Variants in RAB12 observed in about 807,000 individuals in gnomAD.
RAB12 encodes the protein ras-related protein Rab-12.
A neutral mutation model predicts 28.4 loss-of-function variants in RAB12; 11 were observed. The ratio of observed to expected loss-of-function variants is 0.39; its 90% CI spans 0.24 to 0.64. RAB12 has a LOEUF of 0.64. Among genes scored for constraint, RAB12 ranks in the 30% least tolerant of loss-of-function variants. The pLI is 0.50. For synonymous variants in RAB12, 138 were observed against 145.3 expected, an observed-to-expected ratio of 0.95 and a Z score of 0.36; for missense variants, 276 against 351.1, an observed-to-expected ratio of 0.79 and a Z score of 1.71.
intron 2 of RAB12, among the ~76,000 whole-genome samples, chr18:8,630,478 T>TTC (rs2148710593): frequency 6.6e-6 from 1 of 152,302 alleles, no homozygotes; most frequent in East Asian, 1.9e-4. Context: ...TTACCAGACT[T>TTC]AAAGTGTGTG....
intron 1 of RAB12, among the ~76,000 whole-genome samples, chr18:8,621,227 G>T (rs1235846181): frequency 6.6e-6 from 1 of 152,140 alleles, no homozygotes; most frequent in African/African-American, 2.4e-5. Flanking sequence ...GGTTATTCAT[G>T]ACTTTTTTCC....
intron 4 of RAB12, 102 bp downstream of exon 4, chr18:8,635,724 T>C: frequency 2.8e-6 from 2 of 716,032 alleles, no homozygotes; most frequent in Non-Finnish European, 4.4e-6. Flanking sequence ...AAAGAAATTA[T>C]CAATACAGTG....
intron 1 of RAB12, among the ~76,000 whole-genome samples, chr18:8,620,136 C>CTTT (rs1203136706): frequency 4.9e-5 from 1 of 20,230 alleles, no homozygotes; most frequent in Non-Finnish European, 1.1e-4. Flanking sequence ...TTTTTTTCTT[C>CTTT]TTCTTTTTTT....
chr18:8,630,749 G>C (rs1455784533), intron 2 of RAB12, among the ~76,000 whole-genome samples: 2 of 152,236 alleles, frequency 1.3e-5, no homozygotes, highest in African/African-American at 4.8e-5. Context: ...AACGCTTTTA[G>C]ATTTCAAAGG....
chr18:8,616,503 G>T (rs1203040129), intron 1 of RAB12, among the ~76,000 whole-genome samples: 1 of 152,000 alleles, frequency 6.6e-6, no homozygotes, highest in Middle Eastern at 3.4e-3. Context: ...GGTTTCTGGT[G>T]CCTAGTTAAC....
At chr18:8,612,058 T>C (rs2096004133) in intron 1 of RAB12, among the ~76,000 whole-genome samples, 1 of 152,204 alleles carries the variant, frequency 6.6e-6, no homozygotes, top group Non-Finnish European at 1.5e-5. Flanking sequence ...TCAGATCGTT[T>C]GTTGAGCACC....
Position 8,609,630 on chromosome 18 carries a change from C to G in RAB12, c.191C>G (p.Pro64Arg), listed in dbSNP as rs1485260571. The stretch of plus-strand genomic sequence containing the variant: ...GAAGCCGAGCCCGGGGCCGACCCCC[C>G]GCGCGCGGCGGAGGCCGAGGGGGCG... The part of the protein sequence containing the change: ...RAEAEPGADP[P>R]RAAEAEGAPG... Residue 64 changes from proline (P) to arginine (R), a missense_variant, in exon 1 of 6, where the codon CCG becomes CGG. By Grantham distance (103) the Pro-to-Arg change is moderately radical (BLOSUM62 -2). Transcript: ENST00000649141. 1 of 538,950 alleles carries G rather than the reference C, an allele frequency of 1.9e-6. No homozygotes were observed. Among genetic ancestry groups the G allele is most frequent in the Non-Finnish European group, 2.4e-6 (1 of 424,738 alleles). 33.4% of individuals were successfully genotyped at this position (538,950 alleles called of 1,614,324 possible).
chr18:8,637,045 C>T, intron 5 of RAB12, among the ~76,000 whole-genome samples: 1 of 152,060 alleles, frequency 6.6e-6, no homozygotes, highest in Non-Finnish European at 1.5e-5. Context: ...GGGAGGATCA[C>T]TTGAGGCCAG....
Position 8,609,794 on chromosome 18 carries a change from G to A in RAB12, c.355G>A (p.Ala119Thr). ...GGGGLGAGSP[A>T]LSGGQGRRRK... ...CGGCGGTCTGGGCGCGGGCTCCCCG[G>A]CGCTGTCGGGCGGCCAGGGCCGCCG... The change falls in exon 1 of 6, where the codon GCG becomes ACG. Residue 119 changes from alanine (A) to threonine (T), a missense_variant. This residue lies in a region of RAB12 where 76 missense variants were observed against 117.9 expected (regional missense o/e 0.64). Coordinates refer to ENST00000649141, the MANE Select transcript of RAB12 (RefSeq NM_001025300.3). 5 of 1,404,428 alleles carry A rather than the reference G, an allele frequency of 3.6e-6. No individual in the cohort carries two copies. Among genetic ancestry groups the A allele is most frequent in the Non-Finnish European group, 4.6e-6 (5 of 1,079,452 alleles). The allele number at this position is 1,404,428 out of a possible 1,614,324, so 87.0% of individuals were successfully genotyped here.
chr18:8,630,155 T>C (rs554683506), intron 2 of RAB12, among the ~76,000 whole-genome samples: 3 of 152,322 alleles, frequency 2.0e-5, no homozygotes, highest in African/African-American at 7.2e-5. Flanking sequence ...CAGCATCAGG[T>C]GGTCCTGACA....
chr18:8,627,282 G>A (rs2096013272), intron 2 of RAB12, among the ~76,000 whole-genome samples: 1 of 152,156 alleles, frequency 6.6e-6, no homozygotes, highest in South Asian at 2.1e-4. Context: ...CCTCAAGGAG[G>A]CGCAGTGGAT....
At chr18:8,635,362 C>A (rs1598314455) in intron 3 of RAB12, 171 bp from the exon 4 acceptor site, 1 of 527,534 alleles carries the variant, frequency 1.9e-6, no homozygotes, top group Non-Finnish European at 3.3e-6. Flanking sequence ...CACAGTGAGC[C>A]CTGCCTTGCA....
In RAB12 at chr18:8,639,251, T is replaced by C. The variant is rs2096021076; in HGVS notation, c.*989T>C. On this transcript the variant is annotated 3_prime_UTR_variant, in exon 6 of 6. Coordinates refer to ENST00000649141, the MANE Select transcript of RAB12 (RefSeq NM_001025300.3). ...GTATATCTTTTATTAAACTGCACTG[T>C]TTTGTTTAGTCAAGGTAATTAAGTA... 1 of 149,702 alleles carries C rather than the reference T, an allele frequency of 6.7e-6. No homozygotes were observed. Among genetic ancestry groups the C allele is most frequent in the Non-Finnish European group, 1.5e-5 (1 of 67,614 alleles). 9.3% of individuals were successfully genotyped at this position (149,702 alleles called of 1,614,324 possible).
At chr18:8,633,419 A>ATG in intron 3 of RAB12, 92 bp downstream of exon 3, 1 of 1,404,668 alleles carries the variant, frequency 7.1e-7, no homozygotes, top group South Asian at 1.3e-5. Flanking sequence ...TGTATTGAGC[A>ATG]TGTTTTCATA....
intron 1 of RAB12, among the ~76,000 whole-genome samples, chr18:8,617,735 A>C (rs554112681): frequency 9.2e-5 from 14 of 152,278 alleles, no homozygotes; most frequent in African/African-American, 3.1e-4. Flanking sequence ...GGGGCTGCAC[A>C]GTGCACAGGG....
chr18:8,625,098 A>T, intron 2 of RAB12, 100 bp downstream of exon 2: 3 of 711,456 alleles, frequency 4.2e-6, no homozygotes, highest in South Asian at 4.2e-5. Context: ...TGCCTCTCCT[A>T]CTTTCTCCTC....
At chr18:8,635,728 TACAG>T in intron 4 of RAB12, 106 bp downstream of exon 4, 2 of 690,916 alleles carry the variant, frequency 2.9e-6, no homozygotes, top group Non-Finnish European at 4.6e-6. Flanking sequence ...AAATTATCAA[TACAG>T]TGATAACTCA....
rs2096018479 is a variant in RAB12, at chr18:8,635,653, A to G, written c.804+31A>G. ...AGGGCGTGGGAGGCACGGTTGCCAC[A>G]CACTGTGCTTAGCGCTTGAGGTACT... On this transcript the variant is annotated intron_variant, in intron 4 of 5. Coordinates refer to ENST00000649141, the MANE Select transcript of RAB12 (RefSeq NM_001025300.3). 2.1e-6 allele frequency: 3 copies of G among 1,445,706 alleles called. No homozygotes were observed. In the African/African-American group the frequency reaches 4.3e-5, roughly 21 times the overall value. The allele number at this position is 1,445,706 out of a possible 1,614,324, so 89.6% of individuals were successfully genotyped here. A position where few individuals can be genotyped will look rare whatever the true frequency, so the allele number is the denominator to read the frequency against.
Position 8,633,427 on chromosome 18 carries a change from A to T in RAB12, c.714+100A>T. 14 of 1,351,108 alleles carry T rather than the reference A, an allele frequency of 1.0e-5. No individual in the cohort carries two copies. The South Asian group carries it at 1.6e-4, about 15-fold the overall frequency. 83.7% of individuals were successfully genotyped at this position (1,351,108 alleles called of 1,614,324 possible). A position where few individuals can be genotyped will look rare whatever the true frequency, so the allele number is the denominator to read the frequency against. On this transcript the variant is annotated intron_variant, in intron 3 of 5. Transcript: ENST00000649141. The stretch of plus-strand genomic sequence containing the variant: ...AAACACATGTATTGAGCATGTTTTC[A>T]TATAGACTAAACATCATTTAGCCCA...
Sources: allele counts gnomAD v4.1 joint callset (sites outside exome capture counted in the v4.1 genomes callset), GRCh38; gene constraint gnomAD v4.1.1; regional missense constraint gnomAD v4.1.1; transcripts MANE v1.5; gene names NCBI Gene and HGNC (gene_info 2026-07-23, HGNC 2026-07-21).